Variants in LRRC37A2 observed in about 807,000 individuals in gnomAD.
The protein encoded by LRRC37A2 is leucine rich repeat containing 37 member A2.
LRRC37A2 carries 9 observed loss-of-function variants against 68.8 expected under a neutral mutation model. The ratio of observed to expected loss-of-function variants is 0.13; its 90% CI spans 0.08 to 0.23. The LOEUF (loss-of-function observed/expected upper bound fraction) is 0.23, where lower values mean the gene tolerates loss of function less well. Ranked by LOEUF, LRRC37A2 falls within the 10% of genes least tolerant of loss-of-function variation. The probability of loss-of-function intolerance (pLI) is 1.00; values close to 1 mark genes in which losing one functional copy is unlikely to be tolerated. For synonymous variants in LRRC37A2, 63 were observed against 367.6 expected, an observed-to-expected ratio of 0.17 and a Z score of 9.48; for missense variants, 168 against 950.4, an observed-to-expected ratio of 0.18 and a Z score of 10.82.
the LRRC37A2 span, among the ~76,000 whole-genome samples, chr17:46,951,056 A>G: frequency 2.6e-5 from 4 of 152,158 alleles, no homozygotes; most frequent in Non-Finnish European, 5.9e-5. Flanking sequence ...TACCATGTTC[A>G]TGCCAGGCAC....
the LRRC37A2 span, among the ~76,000 whole-genome samples, chr17:46,767,445 C>CT: frequency 1.3e-5 from 2 of 152,168 alleles, no homozygotes; most frequent in African/African-American, 2.4e-5. Context: ...AACTTGCCCT[C>CT]TAAGTTCAAG....
chr17:46,854,290 C>T, the LRRC37A2 span, among the ~76,000 whole-genome samples: 1 of 152,228 alleles, frequency 6.6e-6, no homozygotes, highest in Non-Finnish European at 1.5e-5. Context: ...GTCATCTACA[C>T]TGTAGTGGGA....
chr17:46,746,147 T>A, the LRRC37A2 span, among the ~76,000 whole-genome samples: 1 of 152,248 alleles, frequency 6.6e-6, no homozygotes, highest in South Asian at 2.1e-4. Context: ...TGTTGCATAT[T>A]CATCTAGGAA....
the LRRC37A2 span, chr17:46,773,619 T>TGCCTGCC: frequency 3.6e-6 from 2 of 549,848 alleles, no homozygotes; most frequent in Non-Finnish European, 6.5e-6. Context: ...ACAGTCCTGA[T>TGCCTGCC]CCCTCCCCCC....
chr17:46,841,354 G>A, the LRRC37A2 span, among the ~76,000 whole-genome samples: 2 of 152,232 alleles, frequency 1.3e-5, no homozygotes, highest in Non-Finnish European at 2.9e-5. Flanking sequence ...CTGGATCAGA[G>A]ACACTGCTGT....
chr17:46,847,203 C>A, the LRRC37A2 span, among the ~76,000 whole-genome samples: 1 of 152,222 alleles, frequency 6.6e-6, no homozygotes, highest in Non-Finnish European at 1.5e-5. Context: ...CATTTTCAGG[C>A]ATGGCTGTGA....
At chr17:46,920,622 G>A in the LRRC37A2 span, among the ~76,000 whole-genome samples, 1 of 152,148 alleles carries the variant, frequency 6.6e-6, no homozygotes, top group Non-Finnish European at 1.5e-5. Context: ...ACAGAGAAGT[G>A]TCCAAACCCA....
the LRRC37A2 span, among the ~76,000 whole-genome samples, chr17:46,787,703 C>A: frequency 1.3e-5 from 2 of 152,194 alleles, no homozygotes; most frequent in African/African-American, 4.8e-5. Flanking sequence ...CCTGTATTCC[C>A]GGCACTTTGG....
rs776891979 is a variant in LRRC37A2, at chr17:46,548,792, A to C, written c.3653A>C (p.His1218Pro). Residue 1218 changes from histidine to proline, a missense_variant, in exon 10 of 15, where the codon CAC becomes CCC. Transcript: ENST00000576629. ...GCCCCAAGGGAGGTGGAACAGCCCCACACACAGCAGGGGCCTGAGAAGTTA... is the reference window on the plus strand; with the variant it reads ...GCCCCAAGGGAGGTGGAACAGCCCCCCACACAGCAGGGGCCTGAGAAGTTA... The C allele has an allele frequency of 1.2e-6, 2 of 1,611,878 alleles. No individual in the cohort carries two copies. Among genetic ancestry groups the C allele is most frequent in the Non-Finnish European group, 1.7e-6 (2 of 1,179,862 alleles).
chr17:46,856,577 C>T, the LRRC37A2 span, among the ~76,000 whole-genome samples: 12 of 151,764 alleles, frequency 7.9e-5, no homozygotes, highest in African/African-American at 2.7e-4. Flanking sequence ...CTCCGCCTCC[C>T]GGTTCAAGTG....
At chr17:47,000,075 AAAAAATAAAAT>A in the LRRC37A2 span, among the ~76,000 whole-genome samples, 1 of 6,660 alleles carries the variant, frequency 1.5e-4, no homozygotes. Context: ...AAAATAAAAT[AAAAAATAAAAT>A]AAAATAAAAT....
At chr17:46,864,077 G>C in the LRRC37A2 span, among the ~76,000 whole-genome samples, 6 of 152,224 alleles carry the variant, frequency 3.9e-5, no homozygotes, top group Non-Finnish European at 8.8e-5. Flanking sequence ...TTCCCCAGAG[G>C]CCTGGCCCTT....
At chr17:46,879,128 C>G in the LRRC37A2 span, among the ~76,000 whole-genome samples, 1 of 152,174 alleles carries the variant, frequency 6.6e-6, no homozygotes. Flanking sequence ...ATTTATATAG[C>G]TAAGATATAT....
the LRRC37A2 span, among the ~76,000 whole-genome samples, chr17:46,851,035 T>C: frequency 2.8e-4 from 42 of 152,344 alleles, 1 homozygote; most frequent in East Asian, 7.7e-3. The surrounding 1 kb of genome is among the most constrained non-coding windows in gnomAD (Gnocchi z 4.3). Context: ...CAGGGTCCCC[T>C]GAGCCATTGG....
the LRRC37A2 span, among the ~76,000 whole-genome samples, chr17:46,847,534 A>G: frequency 6.6e-6 from 1 of 152,206 alleles, no homozygotes; most frequent in African/African-American, 2.4e-5. Flanking sequence ...TATGACAAGA[A>G]GGCCAGGTCA....
At chr17:46,694,328 A>G in the LRRC37A2 span, 3 of 569,192 alleles carry the variant, frequency 5.3e-6, no homozygotes, top group Non-Finnish European at 5.9e-6. Flanking sequence ...CAGAGGTTGC[A>G]GTGAGCTGAG....
chr17:46,549,284 T>C, exon 10 of LRRC37A2: 1 of 1,610,716 alleles, frequency 6.2e-7, no homozygotes, highest in Non-Finnish European at 8.5e-7. Flanking sequence ...TCAGAACATT[T>C]TATAGAAAAC....
chr17:46,869,048 C>A, the LRRC37A2 span, among the ~76,000 whole-genome samples: 2 of 152,206 alleles, frequency 1.3e-5, no homozygotes, highest in African/African-American at 2.4e-5. Context: ...GTCTTTGAGG[C>A]CTCCCAGGCT....
At chr17:46,863,685 T>C in the LRRC37A2 span, among the ~76,000 whole-genome samples, 1 of 151,958 alleles carries the variant, frequency 6.6e-6, no homozygotes, top group Admixed American at 6.6e-5. Context: ...CATGAGGGCT[T>C]TTGGACTGGG....
Sources: gnomAD v4.1 joint callset for allele counts (sites outside exome capture counted in the v4.1 genomes callset) on GRCh38, gnomAD v4.1.1 for gene constraint, Gnocchi (gnomAD v3.1) non-coding constraint, MANE v1.5 for transcripts, NCBI Gene and HGNC (gene_info 2026-07-23, HGNC 2026-07-21) for gene names.